Variants in DPP6 observed in about 807,000 individuals in gnomAD.
The protein encoded by DPP6 is dipeptidyl peptidase like 6, also known as A-type potassium channel modulatory protein DPP6.
Under a neutral mutation model 122.6 loss-of-function variants are expected in DPP6, and 69 were observed. The observed-to-expected ratio is 0.56, with a 90% CI of 0.46 to 0.69. DPP6 has a LOEUF of 0.69. Ranked by LOEUF, DPP6 falls within the 30% of genes least tolerant of loss-of-function variation. DPP6 has a pLI of 0.00. For missense variants in DPP6, 928 were observed against 1,116.9 expected, an observed-to-expected ratio of 0.83 and a Z score of 2.41; for synonymous variants, 418 against 433.1, an observed-to-expected ratio of 0.97 and a Z score of 0.43.
rs369723609 is a variant in DPP6, at chr7:154,509,588, A to C, written c.458-30944A>C. On this transcript the variant is annotated intron_variant, in intron 3 of 25. Transcript: ENST00000377770. The stretch of plus-strand genomic sequence containing the variant: ...TGGGCATTTTCCCAGACAAATAAAC[A>C]TAGAGTTATCCTTTGACCCAACAAT... Among the ~76,000 whole-genome samples, 3 of 152,214 alleles carry C rather than the reference A, an allele frequency of 2.0e-5. No individual in the cohort carries two copies. In the South Asian group the frequency reaches 6.2e-4, roughly 32 times the overall value.
chr7:153,877,635 T>G, the DPP6 span, among the ~76,000 whole-genome samples: 1 of 152,116 alleles, frequency 6.6e-6, no homozygotes, highest in East Asian at 1.9e-4. Context: ...CATGATTGCA[T>G]AAAGAAAGTA....
chr7:154,767,941 C>G (rs1293691521), intron 8 of DPP6, among the ~76,000 whole-genome samples: 1 of 152,176 alleles, frequency 6.6e-6, no homozygotes, highest in Admixed American at 6.5e-5. Flanking sequence ...ACTCACGTGA[C>G]AGGGGAGCGA....
intron 1 of DPP6, among the ~76,000 whole-genome samples, chr7:154,211,656 C>T (rs1039991123): frequency 6.6e-6 from 1 of 152,138 alleles, no homozygotes; most frequent in African/African-American, 2.4e-5. Context: ...CAATCTTTGC[C>T]CTCTTCTCCA....
intron 1 of DPP6, among the ~76,000 whole-genome samples, chr7:154,281,027 T>TTTA (rs1363633873): frequency 1.2e-5 from 1 of 85,962 alleles, no homozygotes; most frequent in Non-Finnish European, 2.3e-5. Context: ...TTATTTATTT[T>TTTA]TTGGAGACAG....
At chr7:154,424,603 A>C (rs73726870) in intron 1 of DPP6, among the ~76,000 whole-genome samples, 12,234 of 152,150 alleles carry the variant, frequency 0.08, 560 homozygotes, top group East Asian at 0.11. Context: ...ATTCAGGATA[A>C]TCTCCTGTTT....
chr7:154,828,142 T>C (rs1800328342), intron 16 of DPP6, among the ~76,000 whole-genome samples: 1 of 152,138 alleles, frequency 6.6e-6, no homozygotes, highest in Non-Finnish European at 1.5e-5. Context: ...TTCCTGAATG[T>C]AACGGTAATG....
intron 10 of DPP6, among the ~76,000 whole-genome samples, chr7:154,784,200 G>A (rs532853081): frequency 5.9e-5 from 9 of 152,210 alleles, no homozygotes; most frequent in African/African-American, 1.9e-4. Flanking sequence ...AGCCTCTGGG[G>A]AGGGAATTGA....
chr7:154,063,428 C>A (rs1430600971), intron 1 of DPP6, among the ~76,000 whole-genome samples: 1 of 129,044 alleles, frequency 7.7e-6, no homozygotes, highest in African/African-American at 2.8e-5. Context: ...GCTGTTGGTA[C>A]CCCCATCGCA....
intron 1 of DPP6, among the ~76,000 whole-genome samples, chr7:154,085,705 A>T (rs932709499): frequency 1.3e-4 from 20 of 152,036 alleles, no homozygotes; most frequent in Non-Finnish European, 2.5e-4. Flanking sequence ...CTTTCCTAGT[A>T]TGCTTAGTAC....
the DPP6 span, among the ~76,000 whole-genome samples, chr7:153,796,341 A>G: frequency 3.5e-5 from 5 of 141,158 alleles, no homozygotes; most frequent in Non-Finnish European, 7.7e-5. Flanking sequence ...ATTGACACCT[A>G]TATCATTGTG....
chr7:153,965,355 T>G (rs1450548978), intron 1 of DPP6, among the ~76,000 whole-genome samples: 2 of 152,044 alleles, frequency 1.3e-5, no homozygotes, highest in East Asian at 3.9e-4. Context: ...CCTCCCCTCA[T>G]TAACCATTCC....
At chr7:154,418,076 G>A (rs571200965) in intron 1 of DPP6, among the ~76,000 whole-genome samples, 3 of 152,318 alleles carry the variant, frequency 2.0e-5, no homozygotes, top group African/African-American at 4.8e-5. Flanking sequence ...GCATTTGCAG[G>A]AGTCTTTGTC....
chr7:154,869,533 AGAG>A (rs1354438073), intron 18 of DPP6, among the ~76,000 whole-genome samples: 1 of 152,230 alleles, frequency 6.6e-6, no homozygotes, highest in African/African-American at 2.4e-5. Flanking sequence ...CGTGCAATCC[AGAG>A]AAGAGGGCAA....
chr7:154,883,462 AC>A (rs1371967160), intron 21 of DPP6: 1 of 146,744 alleles, frequency 6.8e-6, no homozygotes, highest in Non-Finnish European at 1.5e-5. Context: ...TCACCCATAC[AC>A]TTGTTCACAC....
chr7:153,786,858 T>C, the DPP6 span, among the ~76,000 whole-genome samples: 2 of 145,946 alleles, frequency 1.4e-5, no homozygotes, highest in Non-Finnish European at 3.0e-5. Context: ...GTCTCACTAC[T>C]GGTCAGGGAA....
chr7:154,225,915 C>T (rs929485405), intron 1 of DPP6, among the ~76,000 whole-genome samples: 2 of 152,030 alleles, frequency 1.3e-5, no homozygotes, highest in Non-Finnish European at 2.9e-5. Context: ...TTCAAAGCAA[C>T]CTCACAGTTT....
intron 4 of DPP6, among the ~76,000 whole-genome samples, chr7:154,564,370 A>G (rs949941667): frequency 1.1e-4 from 17 of 152,234 alleles, no homozygotes; most frequent in African/African-American, 4.1e-4. Flanking sequence ...AAATGTATCC[A>G]TAAGCAGGGA....
intron 1 of DPP6, among the ~76,000 whole-genome samples, chr7:154,275,541 A>C (rs1347503655): frequency 2.0e-5 from 3 of 152,182 alleles, no homozygotes. Flanking sequence ...AGAAGACAAA[A>C]AGCAAACTAT....
chr7:153,981,638 C>G (rs1308313426), intron 1 of DPP6, among the ~76,000 whole-genome samples: 2 of 152,106 alleles, frequency 1.3e-5, no homozygotes, highest in South Asian at 4.1e-4. Context: ...TTCATAGTGT[C>G]GATGGTCTTT....
Sources: allele counts gnomAD v4.1 joint callset (sites outside exome capture counted in the v4.1 genomes callset), GRCh38; gene constraint gnomAD v4.1.1; transcripts MANE v1.5; gene names NCBI Gene and HGNC (gene_info 2026-07-23, HGNC 2026-07-21).